The following DLG2 variants were observed in gnomAD, a reference collection of about 807,000 sequenced individuals.
DLG2 encodes disks large homolog 2.
Under a neutral mutation model 132.5 loss-of-function variants are expected in DLG2, and 45 were observed. The ratio of observed to expected loss-of-function variants is 0.34; its 90% confidence interval spans 0.27 to 0.44. The LOEUF (loss-of-function observed/expected upper bound fraction) is 0.44, where lower values mean the gene tolerates loss of function less well. Among genes scored for constraint, DLG2 ranks in the 20% least tolerant of loss-of-function variants. The pLI, the probability that DLG2 is intolerant of heterozygous loss-of-function variation, is 1.00. For missense variants in DLG2, 1,045 were observed against 1,196.9 expected (o/e 0.87, Z 1.87); for synonymous variants, 424 against 419.6 (o/e 1.01, Z -0.13).
chr11:84,668,604 A>T (rs1165989349), intron 6 of DLG2, among the ~76,000 whole-genome samples: 9 of 152,120 alleles, frequency 5.9e-5, no homozygotes, highest in Non-Finnish European at 1.2e-4. Flanking sequence ...ATGGCATAAA[A>T]ATCAGCATTC....
intron 15 of DLG2, among the ~76,000 whole-genome samples, chr11:83,920,611 A>G (rs990924487): frequency 3.9e-5 from 6 of 152,146 alleles, no homozygotes; most frequent in Non-Finnish European, 5.9e-5. Flanking sequence ...ACATCATCTC[A>G]CATATACAAA....
At chr11:84,362,802 T>A (rs1230842204) in intron 7 of DLG2, among the ~76,000 whole-genome samples, 1 of 152,160 alleles carries the variant, frequency 6.6e-6, no homozygotes, top group African/African-American at 2.4e-5. Context: ...GAATGATGAT[T>A]TCCAATTTCA....
intron 2 of DLG2, among the ~76,000 whole-genome samples, chr11:85,610,364 C>G (rs970060925): frequency 2.0e-5 from 3 of 152,186 alleles, no homozygotes; most frequent in African/African-American, 7.2e-5. Context: ...TTGTACCCAA[C>G]CCCTATACCC....
At chr11:84,127,740 C>T (rs2094242668) in intron 9 of DLG2, among the ~76,000 whole-genome samples, 1 of 152,190 alleles carries the variant, frequency 6.6e-6, no homozygotes, top group Admixed American at 6.5e-5. Flanking sequence ...AGCCTTCTGT[C>T]TTTGCCTTCA....
intron 18 of DLG2, among the ~76,000 whole-genome samples, chr11:83,749,363 T>C (rs916030713): frequency 5.3e-5 from 8 of 152,120 alleles, no homozygotes; most frequent in African/African-American, 1.4e-4. Context: ...GATACAGGGG[T>C]CATTTCTAGG....
chr11:85,431,148 C>T (rs1233511644), intron 3 of DLG2, among the ~76,000 whole-genome samples: 2 of 152,190 alleles, frequency 1.3e-5, no homozygotes, highest in Non-Finnish European at 2.9e-5. Context: ...CAAATATCCA[C>T]TTTCAGATCC....
At chr11:84,292,633 C>T (rs2154376462) in intron 7 of DLG2, among the ~76,000 whole-genome samples, 1 of 152,260 alleles carries the variant, frequency 6.6e-6, no homozygotes, top group African/African-American at 2.4e-5. Context: ...GCACCTATAT[C>T]TTATCTGGGT....
chr11:85,171,226 T>C (rs2078847462), intron 4 of DLG2, among the ~76,000 whole-genome samples: 1 of 152,038 alleles, frequency 6.6e-6, no homozygotes, highest in African/African-American at 2.4e-5. Context: ...GTTATTGCAT[T>C]AGGACTGACT....
At chr11:84,962,258 G>A (rs751791391) in intron 6 of DLG2, among the ~76,000 whole-genome samples, 22 of 152,192 alleles carry the variant, frequency 1.4e-4, no homozygotes, top group African/African-American at 3.4e-4. Flanking sequence ...GATTAAACAC[G>A]TAGTAGAGAT....
intron 5 of DLG2, among the ~76,000 whole-genome samples, chr11:85,136,870 A>T (rs1049369922): frequency 1.3e-5 from 2 of 152,274 alleles, no homozygotes; most frequent in East Asian, 1.9e-4. Flanking sequence ...CACAAAATCA[A>T]TATTAGTGGA....
intron 8 of DLG2, among the ~76,000 whole-genome samples, chr11:84,225,205 G>A (rs1172301761): frequency 6.6e-6 from 1 of 152,170 alleles, no homozygotes; most frequent in Non-Finnish European, 1.5e-5. Flanking sequence ...GAATATTTCT[G>A]TAATACATTA....
At chr11:84,408,471 A>G (rs1321008708) in intron 7 of DLG2, among the ~76,000 whole-genome samples, 2 of 152,152 alleles carry the variant, frequency 1.3e-5, no homozygotes, top group African/African-American at 2.4e-5. Context: ...CATGTTATTT[A>G]AGACAATTAA....
At chr11:84,637,929 A>G (rs2099643581) in intron 6 of DLG2, among the ~76,000 whole-genome samples, 2 of 152,264 alleles carry the variant, frequency 1.3e-5, no homozygotes, top group Admixed American at 6.5e-5. Flanking sequence ...CAACATGCCA[A>G]TATGAAGCTC....
chr11:85,183,169 G>A (rs886673222), intron 4 of DLG2, among the ~76,000 whole-genome samples: 1 of 151,836 alleles, frequency 6.6e-6, no homozygotes, highest in African/African-American at 2.4e-5. Context: ...ACTGTCTGAA[G>A]TACGTGATCC....
chr11:84,411,155 C>A (rs748786323), intron 7 of DLG2, among the ~76,000 whole-genome samples: 15 of 152,094 alleles, frequency 9.9e-5, no homozygotes, highest in Non-Finnish European at 1.5e-4. Flanking sequence ...CTAAAGACTG[C>A]AGAATTTTAC....
chr11:85,287,638 C>T (rs72950157), intron 3 of DLG2, among the ~76,000 whole-genome samples: 6,713 of 152,028 alleles, frequency 0.044, 195 homozygotes, highest in East Asian at 0.095. Flanking sequence ...TTTCTACTAC[C>T]CAGTACATAT....
chr11:83,825,852 T>A (rs148421255), intron 17 of DLG2, among the ~76,000 whole-genome samples: 1 of 152,308 alleles, frequency 6.6e-6, no homozygotes, highest in African/African-American at 2.4e-5. Context: ...CTGTCTGGCA[T>A]CTGTGGCACT....
intron 18 of DLG2, among the ~76,000 whole-genome samples, chr11:83,765,513 C>T (rs979077378): frequency 3.3e-5 from 5 of 152,246 alleles, no homozygotes; most frequent in South Asian, 4.2e-4. Flanking sequence ...TTGGGGTTGG[C>T]GTTTAACAGA....
chr11:84,127,941 G>A (rs908707020), intron 9 of DLG2, among the ~76,000 whole-genome samples: 3 of 152,060 alleles, frequency 2.0e-5, no homozygotes, highest in Non-Finnish European at 1.5e-5. Context: ...TTTTGGGAGG[G>A]ACATAATTCA....
Sources: allele counts gnomAD v4.1 joint callset (sites outside exome capture counted in the v4.1 genomes callset), GRCh38; gene constraint gnomAD v4.1.1; transcripts MANE v1.5; gene names NCBI Gene and HGNC (gene_info 2026-07-23, HGNC 2026-07-21).